AQR: variants seen among roughly 807,000 people sequenced by gnomAD.
The protein encoded by AQR is aquarius intron-binding spliceosomal factor.
AQR carries 61 observed loss-of-function variants against 180.5 expected under a neutral mutation model. That is an observed-to-expected ratio of 0.34 (90% confidence interval 0.28 to 0.42). The LOEUF (loss-of-function observed/expected upper bound fraction) is 0.42, where lower values mean the gene tolerates loss of function less well. Ranked by LOEUF, AQR falls within the 10% of genes least tolerant of loss-of-function variation. The probability of loss-of-function intolerance (pLI) is 1.00; values close to 1 mark genes in which losing one functional copy is unlikely to be tolerated. For missense variants in AQR, 1,281 were observed against 1,798.3 expected (o/e 0.71, Z 5.20); for synonymous variants, 551 against 588.8 (o/e 0.94, Z 0.93).
chr15:34,896,194 G>A (rs79168551), intron 22 of AQR, among the ~76,000 whole-genome samples: 2,739 of 152,250 alleles, frequency 0.018, 74 homozygotes, highest in African/African-American at 0.058. Flanking sequence ...TGCAAGTACT[G>A]ATCTCTGCCA....
intron 5 of AQR, among the ~76,000 whole-genome samples, chr15:34,946,222 G>T (rs191436600): frequency 7.9e-5 from 12 of 152,324 alleles, no homozygotes; most frequent in African/African-American, 2.9e-4. Context: ...AGTGAGCTGA[G>T]ATCACGCCAT....
chr15:34,961,110 T>A (rs1024415689), intron 2 of AQR, among the ~76,000 whole-genome samples: 29 of 152,318 alleles, frequency 1.9e-4, no homozygotes, highest in African/African-American at 6.5e-4. Context: ...GGATTTTTTT[T>A]AAACTTAAAG....
In AQR at chr15:34,854,831, T is replaced by C. The variant is rs1892565678; in HGVS notation, c.*1961A>G. The C allele has an allele frequency of 6.6e-6, 1 of 152,254 alleles. No individual in the cohort carries two copies. The highest frequency in any genetic ancestry group is 1.5e-5 in the Non-Finnish European group (1 of 68,052). 9.4% of individuals were successfully genotyped at this position (152,254 alleles called of 1,614,324 possible). ...GCACTTAACAGCCAGCTTATTTTGG[T>C]TGCAGGTATCATACCTCATATCCCC... On this transcript the variant is annotated 3_prime_UTR_variant, in exon 35 of 35. Coordinates refer to ENST00000156471, the MANE Select transcript of AQR (RefSeq NM_014691.3).
intron 32 of AQR, among the ~76,000 whole-genome samples, chr15:34,865,954 A>C (rs1315929787): frequency 6.6e-6 from 1 of 152,112 alleles, no homozygotes; most frequent in Non-Finnish European, 1.5e-5. Context: ...CAGTGATGAA[A>C]ATGTTCTAAA....
chr15:34,952,059 T>C (rs1894242581), intron 4 of AQR, among the ~76,000 whole-genome samples: 1 of 152,218 alleles, frequency 6.6e-6, no homozygotes, highest in African/African-American at 2.4e-5. Flanking sequence ...GATAAGACCA[T>C]CTACTTCATG....
At position 34,940,931 on chromosome 15, in the gene AQR, A is replaced by C. The variant is rs1171098213; in HGVS notation, c.609T>G (p.Asn203Lys). ...LRKFWNLIKK[N>K]DEKMDPEARE... ...TTGCTTCTGGATCCATCTTTTCATC[A>C]TTCTTTTTAATCAAGTTCCAGAATT... Residue 203 changes from asparagine (N) to lysine (K), a missense_variant, in exon 8 of 35, where the codon AAT becomes AAG. Coordinates refer to ENST00000156471, the MANE Select transcript of AQR (RefSeq NM_014691.3). 16 of 1,609,754 alleles carry C rather than the reference A, an allele frequency of 9.9e-6. No individual in the cohort carries two copies. Among genetic ancestry groups the C allele is most frequent in the Non-Finnish European group, 1.4e-5 (16 of 1,178,030 alleles).
chr15:34,921,769 T>A (rs1893687944), intron 13 of AQR, among the ~76,000 whole-genome samples: 1 of 152,122 alleles, frequency 6.6e-6, no homozygotes, highest in African/African-American at 2.4e-5. Context: ...ATTTTATCTT[T>A]TCCAGGAGGT....
At chr15:34,966,889 T>C (rs1020400725) in intron 1 of AQR, among the ~76,000 whole-genome samples, 50 of 143,970 alleles carry the variant, frequency 3.5e-4, no homozygotes, top group African/African-American at 1.2e-3. Flanking sequence ...TTTTTTTTTT[T>C]TTTTTGAGAT....
intron 16 of AQR, 106 bp from the exon 17 acceptor site, chr15:34,910,419 G>A: frequency 8.5e-7 from 1 of 1,174,206 alleles, no homozygotes; most frequent in South Asian, 1.6e-5. Flanking sequence ...TAGTATTTAA[G>A]TCCTAATATT....
At chr15:34,866,221 A>C (rs1318694207) in intron 32 of AQR, among the ~76,000 whole-genome samples, 1 of 152,204 alleles carries the variant, frequency 6.6e-6, no homozygotes, top group Non-Finnish European at 1.5e-5. Flanking sequence ...TCTAGCTAAG[A>C]TACCTAGGCT....
At chr15:34,912,389 C>G (rs1566988019) in intron 16 of AQR, among the ~76,000 whole-genome samples, 2 of 152,022 alleles carry the variant, frequency 1.3e-5, no homozygotes. Flanking sequence ...CTTTATTTCT[C>G]TTTCATTTCT....
chr15:34,954,563 T>C (rs534870343), intron 3 of AQR, among the ~76,000 whole-genome samples: 1 of 152,134 alleles, frequency 6.6e-6, no homozygotes, highest in African/African-American at 2.4e-5. Context: ...CACCTCAGCC[T>C]CCCAAAGTGC....
In AQR at chr15:34,930,344, C is replaced by A; in HGVS notation, c.928G>T (p.Gly310Cys). ...CCAGTTTGGTCATTAATTTCAAAAC[C>A]AGTATAGAATTTAAGCATGTCCAAA... The part of the protein sequence containing the change: ...QLLDMLKFYT[G>C]FEINDQTGNA... The change falls in exon 12 of 35, where the codon GGT becomes TGT. Residue 310 changes from glycine to cysteine, a missense_variant. Physicochemically the swap from Gly to Cys is radical, Grantham distance 159. Coordinates refer to ENST00000156471, the MANE Select transcript of AQR (RefSeq NM_014691.3). 1 of 1,608,598 alleles carries A rather than the reference C, an allele frequency of 6.2e-7. No homozygotes were observed. Among genetic ancestry groups the A allele is most frequent in the Non-Finnish European group, 8.5e-7 (1 of 1,176,068 alleles).
At chr15:34,928,387 TTC>T (rs1401470431) in intron 12 of AQR, among the ~76,000 whole-genome samples, 1 of 152,130 alleles carries the variant, frequency 6.6e-6, no homozygotes, top group Non-Finnish European at 1.5e-5. Context: ...TGTTGTTTCC[TTC>T]TCTGTGTCCA....
intron 19 of AQR, among the ~76,000 whole-genome samples, chr15:34,901,970 C>T (rs1322798638): frequency 1.3e-5 from 2 of 152,158 alleles, no homozygotes; most frequent in African/African-American, 2.4e-5. Flanking sequence ...AAAATATGTC[C>T]TTAACTGTAA....
chr15:34,938,891 G>A (rs1192687723), intron 8 of AQR, 78 bp from the exon 9 acceptor site: 8 of 1,023,050 alleles, frequency 7.8e-6, no homozygotes, highest in African/African-American at 1.6e-5. Flanking sequence ...GTTGACCACG[G>A]CTTTCCAATA....
chr15:34,925,832 C>CAA, intron 13 of AQR, among the ~76,000 whole-genome samples: 1 of 147,860 alleles, frequency 6.8e-6, no homozygotes, highest in South Asian at 2.1e-4. Context: ...GACTCCGTCT[C>CAA]AAAAAAAACA....
chr15:34,969,217 G>C (rs773438638), intron 1 of AQR, among the ~76,000 whole-genome samples: 7 of 152,064 alleles, frequency 4.6e-5, no homozygotes, highest in Non-Finnish European at 8.8e-5. Context: ...AGATAGACTG[G>C]GGTGTTCCCT....
At chr15:34,946,871 G>C (rs551634260) in intron 5 of AQR, among the ~76,000 whole-genome samples, 2 of 142,948 alleles carry the variant, frequency 1.4e-5, no homozygotes, top group South Asian at 2.3e-4. Context: ...CAGCCGCCCC[G>C]TCCGGGAGGG....
Sources: allele counts gnomAD v4.1 joint callset (sites outside exome capture counted in the v4.1 genomes callset), GRCh38; gene constraint gnomAD v4.1.1; transcripts MANE v1.5; gene names NCBI Gene and HGNC (gene_info 2026-07-23, HGNC 2026-07-21).